FSTL5: variants seen among roughly 807,000 people sequenced by gnomAD.
The protein encoded by FSTL5 is follistatin-related protein 5.
In FSTL5, 62 loss-of-function variants were observed where a neutral mutation model predicts 89.1. The ratio of observed to expected loss-of-function variants is 0.70; its 90% CI spans 0.57 to 0.86. The LOEUF is 0.86. FSTL5 is among the 40% of genes least tolerant of loss of function. FSTL5 has a pLI of 0.00. For missense variants in FSTL5, 1,057 were observed against 1,001.6 expected (o/e 1.06, Z -0.75); for synonymous variants, 383 against 346.2 (o/e 1.11, Z -1.18).
chr4:161,909,788 C>T (rs1032660746), intron 4 of FSTL5, among the ~76,000 whole-genome samples: 11 of 152,174 alleles, frequency 7.2e-5, no homozygotes, highest in African/African-American at 2.4e-4. Flanking sequence ...ATCCTCTCTA[C>T]CACATCCAGA....
chr4:161,876,410 T>C (rs1401424250), intron 4 of FSTL5, among the ~76,000 whole-genome samples: 2 of 152,256 alleles, frequency 1.3e-5, no homozygotes. Flanking sequence ...ATTAGCACTG[T>C]ATACCTTTGT....
At chr4:161,990,068 T>C (rs74770887) in intron 3 of FSTL5, among the ~76,000 whole-genome samples, 2,630 of 152,238 alleles carry the variant, frequency 0.017, 36 homozygotes, top group Middle Eastern at 0.031. Context: ...TAAAATCTAT[T>C]TCCAGCATTT....
chr4:161,680,436 C>A (rs1180190961), intron 6 of FSTL5, among the ~76,000 whole-genome samples: 1 of 151,882 alleles, frequency 6.6e-6, no homozygotes, highest in Non-Finnish European at 1.5e-5. Flanking sequence ...GTTAGATTGA[C>A]TTATTATTTA....
chr4:161,647,630 T>C (rs1036335917), intron 7 of FSTL5, among the ~76,000 whole-genome samples: 3 of 152,050 alleles, frequency 2.0e-5, no homozygotes, highest in South Asian at 2.1e-4. Flanking sequence ...ATGCTGATAG[T>C]TGACATATTG....
At chr4:161,700,504 G>T (rs1202797379) in intron 6 of FSTL5, among the ~76,000 whole-genome samples, 1 of 150,408 alleles carries the variant, frequency 6.6e-6, no homozygotes, top group Non-Finnish European at 1.5e-5. Context: ...AATTGTTATC[G>T]ATTTATTTAT....
At chr4:161,971,088 G>T (rs185339701) in intron 3 of FSTL5, among the ~76,000 whole-genome samples, 1 of 152,006 alleles carries the variant, frequency 6.6e-6, no homozygotes, top group Non-Finnish European at 1.5e-5. Context: ...GTCAGTTACT[G>T]CCATATCATA....
intron 3 of FSTL5, among the ~76,000 whole-genome samples, chr4:162,010,956 A>T (rs943521235): frequency 1.3e-4 from 19 of 151,988 alleles, no homozygotes; most frequent in African/African-American, 4.3e-4. Flanking sequence ...TATATATCTA[A>T]AAGTTGAATT....
intron 8 of FSTL5, among the ~76,000 whole-genome samples, chr4:161,569,690 G>A (rs965666917): frequency 1.3e-5 from 2 of 151,826 alleles, no homozygotes; most frequent in Non-Finnish European, 2.9e-5. Flanking sequence ...GTTTATTTAA[G>A]AGGACATCTT....
Position 161,523,569 on chromosome 4 carries a change from C to T in FSTL5, c.1313-13145G>A, listed in dbSNP as rs57168353. ...TTTTATTCCTGGAAGTTCACATAGG[C>T]TGGTAAGCCAAGTAACACTATCTTT... On this transcript the variant is annotated intron_variant, in intron 10 of 15. Transcript: ENST00000306100. Among the ~76,000 whole-genome samples the T allele has an allele frequency of 7.0e-3, 1,061 of 152,238 alleles. 9 individuals carry two copies. The highest frequency in any genetic ancestry group is 0.023 in the African/African-American group (943 of 41,552).
intron 4 of FSTL5, among the ~76,000 whole-genome samples, chr4:161,875,594 C>T (rs1732416191): frequency 6.6e-6 from 1 of 152,140 alleles, no homozygotes; most frequent in Admixed American, 6.5e-5. Context: ...CTGGTCGGGT[C>T]CGCTCGCACA....
At chr4:161,512,909 A>G (rs1730694272) in intron 10 of FSTL5, among the ~76,000 whole-genome samples, 1 of 152,130 alleles carries the variant, frequency 6.6e-6, no homozygotes, top group Non-Finnish European at 1.5e-5. Context: ...AGATTGAATT[A>G]CTGTATTTAT....
At chr4:161,857,850 T>C (rs1731769458) in intron 4 of FSTL5, among the ~76,000 whole-genome samples, 1 of 152,174 alleles carries the variant, frequency 6.6e-6, no homozygotes, top group Admixed American at 6.5e-5. Context: ...TCTTCTTTCA[T>C]CACCTTATGC....
At chr4:161,467,121 A>C (rs1345726638) in intron 13 of FSTL5, among the ~76,000 whole-genome samples, 1 of 151,920 alleles carries the variant, frequency 6.6e-6, no homozygotes, top group African/African-American at 2.4e-5. Flanking sequence ...CTGTAACATT[A>C]TTTTCTTTAT....
intron 7 of FSTL5, among the ~76,000 whole-genome samples, chr4:161,597,651 T>A (rs964374624): frequency 1.1e-5 from 1 of 94,840 alleles, no homozygotes; most frequent in Non-Finnish European, 2.4e-5. Flanking sequence ...AAACAAAAAA[T>A]AAATAAATAC....
At chr4:161,988,204 T>C (rs1354178639) in intron 3 of FSTL5, among the ~76,000 whole-genome samples, 2 of 151,982 alleles carry the variant, frequency 1.3e-5, no homozygotes, top group Non-Finnish European at 2.9e-5. Context: ...TGTCCCATCG[T>C]ATTCAGCAAG....
At chr4:161,987,844 C>T (rs1736009212) in intron 3 of FSTL5, among the ~76,000 whole-genome samples, 1 of 151,428 alleles carries the variant, frequency 6.6e-6, no homozygotes, top group Non-Finnish European at 1.5e-5. Context: ...TAGAGATCTG[C>T]CATCTTACTT....
chr4:161,654,744 T>C (rs1736458487), intron 7 of FSTL5, among the ~76,000 whole-genome samples: 1 of 152,080 alleles, frequency 6.6e-6, no homozygotes, highest in African/African-American at 2.4e-5. Context: ...GGTGATGGCT[T>C]TCTTGAATGA....
chr4:161,597,638 A>T (rs1428288146), intron 7 of FSTL5, among the ~76,000 whole-genome samples: 1 of 142,734 alleles, frequency 7.0e-6, no homozygotes, highest in Non-Finnish European at 1.5e-5. Flanking sequence ...TAAAAAAAAT[A>T]TGAAACAAAA....
At chr4:161,769,968 T>G (rs936967326) in intron 5 of FSTL5, among the ~76,000 whole-genome samples, 4 of 151,734 alleles carry the variant, frequency 2.6e-5, no homozygotes, top group Admixed American at 2.0e-4. Context: ...ACATAAGTGT[T>G]TATCAACAGA....
Sources: gnomAD v4.1 joint callset for allele counts (sites outside exome capture counted in the v4.1 genomes callset) on GRCh38, gnomAD v4.1.1 for gene constraint, MANE v1.5 for transcripts, NCBI Gene and HGNC (gene_info 2026-07-23, HGNC 2026-07-21) for gene names.